Variants in GRIA1 observed in about 807,000 individuals in gnomAD.
GRIA1 encodes glutamate ionotropic receptor AMPA type subunit 1, also known as glutamate receptor 1.
In GRIA1, 31 loss-of-function variants were observed where a neutral mutation model predicts 99.2. That is an observed-to-expected ratio of 0.31 (90% confidence interval 0.23 to 0.42). GRIA1 has a LOEUF of 0.42. Among genes scored for constraint, GRIA1 ranks in the 10% least tolerant of loss-of-function variants. GRIA1 has a pLI of 1.00. For missense variants in GRIA1, 782 were observed against 1,157.5 expected, an observed-to-expected ratio of 0.68 and a Z score of 4.71; for synonymous variants, 438 against 432.4, an observed-to-expected ratio of 1.01 and a Z score of -0.16.
intron 5 of GRIA1, among the ~76,000 whole-genome samples, chr5:153,670,167 T>C (rs1756051828): frequency 6.6e-6 from 1 of 152,226 alleles, no homozygotes; most frequent in Non-Finnish European, 1.5e-5. Context: ...AGACACAGCA[T>C]TCTTTCTCAC....
At position 153,811,103 on chromosome 5, in the gene GRIA1, G is replaced by T. The variant is rs139474308; in HGVS notation, c.2599G>T (p.Ala867Ser). ...STLPRNSGAGASSGGSGENGR... is the reference protein window; with the variant it reads ...STLPRNSGAGSSSGGSGENGR... ...CCTCCCCCGCAACAGCGGGGCAGGA[G>T]CCAGCAGCGGCGGCAGTGGAGAGAA... is the stretch of plus-strand genomic sequence containing the variant. Residue 867 changes from alanine to serine, a missense_variant, in exon 16 of 16, where the codon GCC (alanine) becomes TCC (serine). By Grantham distance (99) the Ala-to-Ser change is moderately conservative. Coordinates refer to ENST00000285900, the MANE Select transcript of GRIA1 (RefSeq NM_000827.4). 6.2e-7 allele frequency: 1 copy of T among 1,614,044 alleles called. No individual in the cohort carries two copies. Among genetic ancestry groups the T allele is most frequent in the South Asian group, 1.1e-5 (1 of 91,080 alleles).
intron 12 of GRIA1, among the ~76,000 whole-genome samples, chr5:153,767,208 A>AG (rs1763576264): frequency 6.6e-6 from 1 of 152,252 alleles, no homozygotes; most frequent in African/African-American, 2.4e-5. Flanking sequence ...TTCTTGTGCC[A>AG]GGCACTGGGT....
At chr5:153,618,815 A>C (rs1194828772) in intron 2 of GRIA1, among the ~76,000 whole-genome samples, 1 of 152,238 alleles carries the variant, frequency 6.6e-6, no homozygotes, top group East Asian at 1.9e-4. Flanking sequence ...TACCTGTGAC[A>C]CTACTATGTT....
intron 2 of GRIA1, among the ~76,000 whole-genome samples, chr5:153,536,805 C>G (rs988442433): frequency 6.6e-6 from 1 of 152,182 alleles, no homozygotes; most frequent in Non-Finnish European, 1.5e-5. Context: ...ACTTATTTTT[C>G]TACATCTTTA....
chr5:153,637,954 G>A (rs1422891), intron 2 of GRIA1, among the ~76,000 whole-genome samples: 103,947 of 151,270 alleles, frequency 0.69, 35,983 homozygotes, highest in East Asian at 0.79. Context: ...CCTTCAAGTG[G>A]GCTTAAATCT....
chr5:153,796,359 A>C (rs1385046953), intron 14 of GRIA1, among the ~76,000 whole-genome samples: 2 of 152,144 alleles, frequency 1.3e-5, no homozygotes, highest in African/African-American at 2.4e-5. Context: ...ACTTTAATCG[A>C]GTTCATATAA....
At chr5:153,727,590 T>C (rs914374536) in intron 11 of GRIA1, among the ~76,000 whole-genome samples, 85 of 152,180 alleles carry the variant, frequency 5.6e-4, no homozygotes, top group African/African-American at 1.8e-3. Flanking sequence ...TATACACCAA[T>C]AACAGGCAAA....
At chr5:153,693,503 C>A (rs1757901607) in intron 8 of GRIA1, among the ~76,000 whole-genome samples, 1 of 152,088 alleles carries the variant, frequency 6.6e-6, no homozygotes, top group Non-Finnish European at 1.5e-5. Context: ...CTGGAGATAC[C>A]AATTTCTGAA....
chr5:153,578,733 C>T (rs1762790318), intron 2 of GRIA1, among the ~76,000 whole-genome samples: 1 of 152,052 alleles, frequency 6.6e-6, no homozygotes, highest in South Asian at 2.1e-4. Flanking sequence ...ATGGTGAAAC[C>T]CCGTCTTTAC....
intron 11 of GRIA1, among the ~76,000 whole-genome samples, chr5:153,735,508 C>T (rs1043007907): frequency 6.6e-6 from 1 of 152,234 alleles, no homozygotes; most frequent in South Asian, 2.1e-4. Flanking sequence ...GGTCAGGGGT[C>T]GATCTTTAAC....
rs533416324 is a variant in GRIA1 at position 153,717,542 on chromosome 5, C to T, written c.1823+11475C>T. ...CTTCCTAGGTATTCATTGGCAAGGG[C>T]TCAGAGTTCACCAAGTTTAATGATA... is the stretch of plus-strand genomic sequence containing the variant. On this transcript the variant is annotated intron_variant, in intron 11 of 15. Transcript: ENST00000285900. 2.0e-4 allele frequency among the ~76,000 whole-genome samples: 31 copies of T among 151,872 alleles called. No homozygotes were observed. In the South Asian group the frequency reaches 6.2e-3, roughly 31 times the overall value.
chr5:153,769,876 G>C (rs575719181), intron 12 of GRIA1, among the ~76,000 whole-genome samples: 1 of 152,060 alleles, frequency 6.6e-6, no homozygotes, highest in South Asian at 2.1e-4. Context: ...TTAAAAGTCA[G>C]GCAGGGCCCC....
intron 12 of GRIA1, 47 bp from the exon 13 acceptor site, chr5:153,770,121 C>G (rs1454290474): frequency 1.2e-6 from 2 of 1,602,412 alleles, no homozygotes; most frequent in African/African-American, 2.7e-5. Flanking sequence ...TGCACCGACC[C>G]CAATTCCAAG....
In GRIA1 at chr5:153,718,402, G is replaced by A. The variant is rs569013952; in HGVS notation, c.1823+12335G>A. On this transcript the variant is annotated intron_variant, in intron 11 of 15. Coordinates refer to ENST00000285900, the MANE Select transcript of GRIA1 (RefSeq NM_000827.4). ...TAGGAGGAATTACAGGTAAGACAAA[G>A]GGGTCGGCGGGGCGAGTCAAGCAAA... 2.0e-5 allele frequency among the ~76,000 whole-genome samples: 3 copies of A among 152,274 alleles called. No individual in the cohort carries two copies. In the South Asian group the frequency reaches 6.2e-4, roughly 32 times the overall value.
In GRIA1 at chr5:153,680,286, G is replaced by A. The variant is rs183466594; in HGVS notation, c.1029+3125G>A. On this transcript the variant is annotated intron_variant, in intron 7 of 15. Transcript: ENST00000285900. ...GCAGAATGAAGATAATCAGCTGCCT[G>A]CCTGCCCCCTGCTTGCCATCTAGGG... 1.2e-3 allele frequency among the ~76,000 whole-genome samples: 186 copies of A among 152,028 alleles called. 1 individual carries two copies. Among genetic ancestry groups the A allele is most frequent in the African/African-American group, 4.2e-3 (176 of 41,474 alleles).
intron 11 of GRIA1, among the ~76,000 whole-genome samples, chr5:153,735,074 C>T (rs893985492): frequency 3.9e-5 from 6 of 152,114 alleles, no homozygotes; most frequent in African/African-American, 1.2e-4. Flanking sequence ...CTGCAATATA[C>T]ATGACAGGTC....
chr5:153,807,818 C>T (rs1257051661), intron 15 of GRIA1, among the ~76,000 whole-genome samples: 1 of 152,218 alleles, frequency 6.6e-6, no homozygotes, highest in Non-Finnish European at 1.5e-5. Flanking sequence ...ATATTAAGAG[C>T]AGCAAAGTAT....
intron 2 of GRIA1, among the ~76,000 whole-genome samples, chr5:153,576,926 TTGGATGGATGGATGGATGGATGGATGGA>T (rs574916178): frequency 3.1e-5 from 4 of 129,458 alleles, no homozygotes; most frequent in East Asian, 2.5e-4. Flanking sequence ...TCAATAAATA[TTGGATGGATGGATGGATGGATGGATGGA>T]TGGATGGATG....
At chr5:153,805,764 A>T (rs1357695881) in intron 15 of GRIA1, among the ~76,000 whole-genome samples, 3 of 152,218 alleles carry the variant, frequency 2.0e-5, no homozygotes, top group Non-Finnish European at 4.4e-5. Flanking sequence ...GAGTCATGGC[A>T]TAGCTTCTTG....
Sources: allele counts gnomAD v4.1 joint callset (sites outside exome capture counted in the v4.1 genomes callset), GRCh38; gene constraint gnomAD v4.1.1; transcripts MANE v1.5; gene names NCBI Gene and HGNC (gene_info 2026-07-23, HGNC 2026-07-21).